RGR: variants seen among roughly 807,000 people sequenced by gnomAD.
RGR encodes the protein RPE-retinal G protein-coupled receptor.
In RGR, 30 loss-of-function variants were observed where a neutral mutation model predicts 28.6. The ratio of observed to expected loss-of-function variants is 1.05; its 90% confidence interval spans 0.78 to 1.42. The LOEUF is 1.42. RGR is among the 40% of genes most tolerant of loss of function. The pLI, the probability that RGR is intolerant of heterozygous loss-of-function variation, is 0.00. For synonymous variants in RGR, 180 were observed against 156.4 expected (o/e 1.15, Z -1.13); for missense variants, 404 against 375.6 (o/e 1.08, Z -0.62).
Position 84,247,741 on chromosome 10 carries a change from T to G in RGR, c.230T>G (p.Leu77Arg), listed in dbSNP as rs761126266. 1.2e-6 allele frequency: 2 copies of G among 1,614,160 alleles called. No homozygotes were observed. The highest frequency in any genetic ancestry group is 1.7e-6 in the Non-Finnish European group (2 of 1,180,030). ...GCCCTCGTTGCAGCCACATCCAGCC[T>G]TCTCCGGTACCAGCCCCCTCCCCAG... ...LNALVAATSS[L>R]LRRWPYGSDG... Residue 77 changes from leucine (L) to arginine (R), a missense_variant, in exon 2 of 7, where the codon CTT becomes CGT. Leu to Arg is a moderately radical substitution (Grantham distance 102). Coordinates refer to ENST00000652092, the MANE Select transcript of RGR (RefSeq NM_001012720.2).
At chr10:84,251,130 G>A (rs1010605867) in intron 3 of RGR, among the ~76,000 whole-genome samples, 1 of 151,502 alleles carries the variant, frequency 6.6e-6, no homozygotes, top group Non-Finnish European at 1.5e-5. Context: ...AGCTACTTGA[G>A]AGGCTGAGGA....
Position 84,248,915 on chromosome 10 carries a change from C to T in RGR, c.237-7C>T. The T allele has an allele frequency of 6.2e-7, 1 of 1,614,204 alleles. No individual in the cohort carries two copies. The highest frequency in any genetic ancestry group is 8.5e-7 in the Non-Finnish European group (1 of 1,180,038). ...GAGAGGTCACTGGTGCCCAGTGTCT[C>T]CCACAGGCGCTGGCCCTACGGCTCG... is the stretch of plus-strand genomic sequence containing the variant. On this transcript the variant is annotated splice_region_variant and splice_polypyrimidine_tract_variant and intron_variant, in intron 2 of 6. Coordinates refer to ENST00000652092, the MANE Select transcript of RGR (RefSeq NM_001012720.2).
intron 5 of RGR, among the ~76,000 whole-genome samples, chr10:84,254,738 G>A (rs1299398984): frequency 6.6e-6 from 1 of 152,164 alleles, no homozygotes; most frequent in Non-Finnish European, 1.5e-5. Context: ...TGATTGATAG[G>A]TGGGTTGCTT....
At chr10:84,248,198 A>G in intron 2 of RGR, 1 of 1,241,508 alleles carries the variant, frequency 8.1e-7, no homozygotes, top group East Asian at 5.0e-5. Context: ...TATCACCACT[A>G]CTGCACCCGT....
At chr10:84,253,731 G>T (rs1842848383) in intron 4 of RGR, among the ~76,000 whole-genome samples, 1 of 152,172 alleles carries the variant, frequency 6.6e-6, no homozygotes, top group Non-Finnish European at 1.5e-5. Context: ...CGCTGGGCCT[G>T]GTCCAAGTGT....
intron 2 of RGR, chr10:84,248,196 C>T: frequency 3.2e-6 from 4 of 1,242,392 alleles, no homozygotes; most frequent in Non-Finnish European, 4.2e-6. Flanking sequence ...GTTATCACCA[C>T]TACTGCACCC....
intron 2 of RGR, chr10:84,247,967 T>C (rs1842768738): frequency 1.3e-5 from 9 of 709,060 alleles, no homozygotes; most frequent in Non-Finnish European, 2.1e-5. Context: ...AAAGAGATGG[T>C]AGGCTGTAGA....
chr10:84,250,095 C>A (rs1842796601), intron 3 of RGR, among the ~76,000 whole-genome samples: 1 of 152,188 alleles, frequency 6.6e-6, no homozygotes, highest in Non-Finnish European at 1.5e-5. Flanking sequence ...ACCCTCCTAG[C>A]AAACCTTCAG....
intron 2 of RGR, 146 bp from the exon 3 acceptor site, chr10:84,248,776 C>T (rs998080995): frequency 1.9e-5 from 27 of 1,456,140 alleles, no homozygotes; most frequent in Middle Eastern, 1.9e-4. Context: ...TGAGCTCCAA[C>T]GCCTCATAGG....
At chr10:84,249,123 T>C in intron 3 of RGR, 80 bp downstream of exon 3, 3 of 1,580,742 alleles carry the variant, frequency 1.9e-6, no homozygotes, top group East Asian at 2.2e-5. Context: ...CAGTCATAAC[T>C]AGCTACTGCT....
Position 84,258,689 on chromosome 10 carries a change from C to T in RGR, c.*50C>T. 6.2e-7 allele frequency: 1 copy of T among 1,612,292 alleles called. No individual in the cohort carries two copies. Among genetic ancestry groups the T allele is most frequent in the Non-Finnish European group, 8.5e-7 (1 of 1,179,442 alleles). On this transcript the variant is annotated 3_prime_UTR_variant, in exon 7 of 7. Transcript: ENST00000652092. ...AGGCCAGGAGGCTGTTCCAGGAGTC[C>T]TGCCCAGCAGCCTCAGTGGCCAAGC...
intron 2 of RGR, 153 bp downstream of exon 2, chr10:84,247,900 T>C (rs538573406): frequency 9.2e-7 from 1 of 1,089,634 alleles, no homozygotes; most frequent in Admixed American, 2.1e-5. Context: ...GAATTCCAGA[T>C]TGATTCTGAA....
rs188981836 is a variant in RGR, at chr10:84,250,350, C to T, written c.358+1307C>T. On this transcript the variant is annotated intron_variant, in intron 3 of 6. Transcript: ENST00000652092. ...CCCCTTCCCTGAAAATTCACTGCCC[C>T]TCATGGGTCTCTCCTGTCATATGCC... is the stretch of plus-strand genomic sequence containing the variant. The T allele has an allele frequency of 1.8e-5, 13 of 717,442 alleles. No homozygotes were observed. The African/African-American group carries it at 2.1e-4, about 12-fold the overall frequency. The allele number at this position is 717,442 out of a possible 1,614,324, so 44.4% of individuals were successfully genotyped here.
In RGR at chr10:84,258,955, G is replaced by A. The variant is rs1000439895; in HGVS notation, c.*316G>A. On this transcript the variant is annotated 3_prime_UTR_variant, in exon 7 of 7. Transcript: ENST00000652092. ...ATAGATTGCCTAGTGGTGAAGTCTG[G>A]GCTTTTAGTGTAACCATCACCCTAA... The A allele has an allele frequency of 1.3e-5, 5 of 385,562 alleles. No individual in the cohort carries two copies. The highest frequency in any genetic ancestry group is 1.0e-4 in the African/African-American group (5 of 48,144). 23.9% of individuals were successfully genotyped at this position (385,562 alleles called of 1,614,324 possible). A position where few individuals can be genotyped will look rare whatever the true frequency, so the allele number is the denominator to read the frequency against.
chr10:84,255,168 C>T (rs1465901165), intron 5 of RGR: 1 of 155,610 alleles, frequency 6.4e-6, no homozygotes, highest in African/African-American at 2.4e-5. Context: ...ATGTGACAGA[C>T]AGCAACCAGG....
intron 2 of RGR, 61 bp downstream of exon 2, chr10:84,247,808 C>A: frequency 6.2e-7 from 1 of 1,611,186 alleles, no homozygotes; most frequent in Non-Finnish European, 8.5e-7. Context: ...GACCCCTGGG[C>A]CCTGGGCAGC....
At chr10:84,247,328 A>T (rs1842758629) in intron 1 of RGR, among the ~76,000 whole-genome samples, 1 of 152,190 alleles carries the variant, frequency 6.6e-6, no homozygotes, top group Non-Finnish European at 1.5e-5. Context: ...TCAGTTTCCC[A>T]GCTATAAATG....
In RGR at chr10:84,259,432, C is replaced by T. The variant is rs943027330; in HGVS notation, c.*793C>T. On this transcript the variant is annotated 3_prime_UTR_variant, in exon 7 of 7. Coordinates refer to ENST00000652092, the MANE Select transcript of RGR (RefSeq NM_001012720.2). ...GTAGGACTGCTGGATCAAATGGTAG[C>T]TCTATTTTTAAGACAGTATGGAGAA... is the stretch of plus-strand genomic sequence containing the variant. 1.3e-5 allele frequency: 2 copies of T among 152,186 alleles called. No homozygotes were observed. The highest frequency in any genetic ancestry group is 4.8e-5 in the African/African-American group (2 of 41,412). The allele number at this position is 152,186 out of a possible 1,614,324, so 9.4% of individuals were successfully genotyped here.
intron 6 of RGR, 94 bp downstream of exon 6, chr10:84,258,100 C>T (rs1385709719): frequency 5.4e-5 from 59 of 1,099,932 alleles, no homozygotes; most frequent in Non-Finnish European, 2.2e-5. Context: ...ACCTCTGTGT[C>T]AGTCTCTTCC....
Sources: gnomAD v4.1 joint callset for allele counts (sites outside exome capture counted in the v4.1 genomes callset) on GRCh38, gnomAD v4.1.1 for gene constraint, MANE v1.5 for transcripts, NCBI Gene and HGNC (gene_info 2026-07-23, HGNC 2026-07-21) for gene names.